The following CACNG2 variants were observed in gnomAD, a reference collection of about 807,000 sequenced individuals.
The protein encoded by CACNG2 is voltage-dependent calcium channel gamma-2 subunit.
A neutral mutation model predicts 25.9 loss-of-function variants in CACNG2; 3 were observed. The ratio of observed to expected loss-of-function variants is 0.12; its 90% confidence interval spans 0.05 to 0.30. CACNG2 has a LOEUF of 0.30. Among genes scored for constraint, CACNG2 ranks in the 10% least tolerant of loss-of-function variants. CACNG2 has a pLI of 1.00. For missense variants in CACNG2, 341 were observed against 432.5 expected (o/e 0.79, Z 1.88); for synonymous variants, 167 against 173.3 (o/e 0.96, Z 0.29).
chr22:36,615,671 T>C lies in CACNG2; in HGVS notation c.212-28123A>G, dbSNP rs1459711015. 3.9e-5 allele frequency among the ~76,000 whole-genome samples: 6 copies of C among 152,338 alleles called. No homozygotes were observed. In the Middle Eastern group the frequency reaches 0.014, roughly 345 times the overall value. On this transcript the variant is annotated intron_variant, in intron 1 of 3. Coordinates refer to ENST00000300105, the MANE Select transcript of CACNG2 (RefSeq NM_006078.5). ...ATGTTTACTGTTAGTCCCATTAGAA[T>C]GGACGATCCACGAGGGCGGGGCTTT... is the stretch of plus-strand genomic sequence containing the variant.
rs768915699 is a variant in CACNG2 at position 36,561,811 on chromosome 22, G to A, written c.*2540C>T. ...GGCCCTTGTCACTCTGGGGAAGAAAGGGGAGAAACACAGGATGCCCTTGAC... is the reference window on the plus strand; with the variant it reads ...GGCCCTTGTCACTCTGGGGAAGAAAAGGGAGAAACACAGGATGCCCTTGAC... On this transcript the variant is annotated 3_prime_UTR_variant, in exon 4 of 4. Coordinates refer to ENST00000300105, the MANE Select transcript of CACNG2 (RefSeq NM_006078.5). 2 of 152,290 alleles carry A rather than the reference G, an allele frequency of 1.3e-5. No individual in the cohort carries two copies. Among genetic ancestry groups the A allele is most frequent in the Non-Finnish European group, 2.9e-5 (2 of 68,096 alleles). The allele number at this position is 152,290 out of a possible 1,614,324, so 9.4% of individuals were successfully genotyped here.
At chr22:36,636,821 C>T (rs529804279) in intron 1 of CACNG2, among the ~76,000 whole-genome samples, 108 of 152,332 alleles carry the variant, frequency 7.1e-4, no homozygotes, top group African/African-American at 2.0e-3. Flanking sequence ...TGCCCTGTGG[C>T]GGTGTAGGCA....
chr22:36,609,346 A>T lies in CACNG2; in HGVS notation c.212-21798T>A, dbSNP rs1454233454. ...GCAGGAATCAGCCCCCTAGAGTGTG[A>T]TCGGGCAGGAATCAGCCCCCCAGAG... is the stretch of plus-strand genomic sequence containing the variant. On this transcript the variant is annotated intron_variant, in intron 1 of 3. Transcript: ENST00000300105. Among the ~76,000 whole-genome samples, 11 of 139,540 alleles carry T rather than the reference A, an allele frequency of 7.9e-5. No homozygotes were observed. In the Admixed American group the frequency reaches 8.0e-4, roughly 10 times the overall value. 91.5% of individuals were successfully genotyped at this position (139,540 alleles called of 152,430 possible).
rs1333316041 is a variant in CACNG2, at chr22:36,564,201, GTGTTTTTTTGTTTTT to G, written c.*135_*149del. 4.5e-4 allele frequency: 269 copies of G among 601,360 alleles called. 1 individual carries two copies. The highest frequency in any genetic ancestry group is 4.4e-3 in the African/African-American group (231 of 52,978). 37.3% of individuals were successfully genotyped at this position (601,360 alleles called of 1,614,324 possible). A position where few individuals can be genotyped will look rare whatever the true frequency, so the allele number is the denominator to read the frequency against. On this transcript the variant is annotated 3_prime_UTR_variant, in exon 4 of 4. Coordinates refer to ENST00000300105, the MANE Select transcript of CACNG2 (RefSeq NM_006078.5). This position sits in a 1 kb window ranked among gnomAD's most constrained non-coding sequence, Gnocchi z 6.7. ...GTTTTTTCTCTTTTTTTGTGTGTGT[GTGTTTTTTTGTTTTT>G]TGTTTTTTTGTTTTTTTTGTTTTTT...
At chr22:36,702,051 T>G (rs912684441) in intron 1 of CACNG2, among the ~76,000 whole-genome samples, 1 of 152,120 alleles carries the variant, frequency 6.6e-6, no homozygotes, top group Non-Finnish European at 1.5e-5. Context: ...TGGTAAATCC[T>G]AATGACTCCA....
At chr22:36,643,320 C>T (rs1295667978) in intron 1 of CACNG2, among the ~76,000 whole-genome samples, 1 of 151,456 alleles carries the variant, frequency 6.6e-6, no homozygotes, top group East Asian at 1.9e-4. Flanking sequence ...TTCTCTCTCT[C>T]TTTCTCTGTC....
Position 36,665,878 on chromosome 22 carries a change from A to G in CACNG2, c.211+36488T>C, listed in dbSNP as rs892777443. 2.0e-5 allele frequency among the ~76,000 whole-genome samples: 3 copies of G among 152,390 alleles called. No individual in the cohort carries two copies. In the East Asian group the frequency reaches 5.8e-4, roughly 29 times the overall value. Reference sequence around the variant, plus strand: ...CATTCCACTTCTGGGTATCTACCCAAAAGAATGGAAACCTGGGTCTCAAGG... The same window carrying G: ...CATTCCACTTCTGGGTATCTACCCAGAAGAATGGAAACCTGGGTCTCAAGG... On this transcript the variant is annotated intron_variant, in intron 1 of 3. Transcript: ENST00000300105.
At chr22:36,699,139 G>A (rs1168493012) in intron 1 of CACNG2, among the ~76,000 whole-genome samples, 1 of 151,646 alleles carries the variant, frequency 6.6e-6, no homozygotes, top group Non-Finnish European at 1.5e-5. Context: ...ATGAACTTCT[G>A]TCTCTCTCCA....
rs557025520 is a variant in CACNG2, at chr22:36,674,030, A to G, written c.211+28336T>C. Among the ~76,000 whole-genome samples the G allele has an allele frequency of 3.3e-5, 5 of 152,298 alleles. No homozygotes were observed. The East Asian group carries it at 7.7e-4, about 24-fold the overall frequency. On this transcript the variant is annotated intron_variant, in intron 1 of 3. Coordinates refer to ENST00000300105, the MANE Select transcript of CACNG2 (RefSeq NM_006078.5). ...TGCCGCGGGCAGCCGTCCCTCCCGC[A>G]TGATCAAGTAAGACACAGGCCTGGT...
chr22:36,629,573 G>C (rs1218817637), intron 1 of CACNG2, among the ~76,000 whole-genome samples: 1 of 151,990 alleles, frequency 6.6e-6, no homozygotes. Context: ...GAGGGAGAGA[G>C]AGAGATGATC....
At chr22:36,609,804 A>G (rs1205965312) in intron 1 of CACNG2, among the ~76,000 whole-genome samples, 1 of 150,158 alleles carries the variant, frequency 6.7e-6, no homozygotes. Context: ...GGCAGGAATC[A>G]GTCCCCCAGA....
Position 36,562,012 on chromosome 22 carries a change from C to G in CACNG2, c.*2339G>C, listed in dbSNP as rs1429567150. The G allele has an allele frequency of 6.6e-6, 1 of 152,276 alleles. No homozygotes were observed. The highest frequency in any genetic ancestry group is 1.5e-5 in the Non-Finnish European group (1 of 68,074). 9.4% of individuals were successfully genotyped at this position (152,276 alleles called of 1,614,324 possible). Reference sequence around the variant, plus strand: ...AAGCCCTGGTGGCAGAGCTCTTCTCCCAAGGAAGCCTCTTTAACTCTCCAT... The same window carrying G: ...AAGCCCTGGTGGCAGAGCTCTTCTCGCAAGGAAGCCTCTTTAACTCTCCAT... On this transcript the variant is annotated 3_prime_UTR_variant, in exon 4 of 4. Coordinates refer to ENST00000300105, the MANE Select transcript of CACNG2 (RefSeq NM_006078.5).
chr22:36,703,238 A>AGCG lies in CACNG2; in HGVS notation c.-665_-663dup, dbSNP rs538190446. 17,963 of 154,270 alleles carry AGCG rather than the reference A, an allele frequency of 0.12. 1,350 individuals carry two copies. Among genetic ancestry groups the AGCG allele is most frequent in the Admixed American group, 0.19 (2,856 of 14,742 alleles). The allele number at this position is 154,270 out of a possible 1,614,324, so 9.6% of individuals were successfully genotyped here. A position where few individuals can be genotyped will look rare whatever the true frequency, so the allele number is the denominator to read the frequency against. The stretch of plus-strand genomic sequence containing the variant: ...TCGCTTTCCATGGTTTTGCCCGGGC[A>AGCG]GCGGCGGCGGCGGCGGCGGCGGCGG... On this transcript the variant is annotated 5_prime_UTR_variant, in exon 1 of 4. Coordinates refer to ENST00000300105, the MANE Select transcript of CACNG2 (RefSeq NM_006078.5).
intron 1 of CACNG2, among the ~76,000 whole-genome samples, chr22:36,652,684 A>G (rs1936637933): frequency 6.6e-6 from 1 of 152,162 alleles, no homozygotes; most frequent in Admixed American, 6.5e-5. Flanking sequence ...GTAAGGGCAG[A>G]AAGGACCACA....
At chr22:36,655,460 A>T (rs560864511) in intron 1 of CACNG2, among the ~76,000 whole-genome samples, 1 of 152,230 alleles carries the variant, frequency 6.6e-6, no homozygotes, top group Admixed American at 6.5e-5. Flanking sequence ...TCTGTATGCC[A>T]ATTTGTTAGT....
At chr22:36,668,725 A>C (rs1454162047) in intron 1 of CACNG2, among the ~76,000 whole-genome samples, 1 of 152,012 alleles carries the variant, frequency 6.6e-6, no homozygotes, top group Non-Finnish European at 1.5e-5. Context: ...CGAACTCCTG[A>C]GCTCAAGCGA....
intron 1 of CACNG2, among the ~76,000 whole-genome samples, chr22:36,648,199 A>G (rs147313395): frequency 1.1e-3 from 172 of 152,346 alleles, no homozygotes; most frequent in African/African-American, 3.8e-3. Flanking sequence ...GCAATCTTTT[A>G]CCCAGTATAA....
At chr22:36,586,041 A>G (rs983965584) in intron 2 of CACNG2, among the ~76,000 whole-genome samples, 3 of 152,254 alleles carry the variant, frequency 2.0e-5, no homozygotes, top group South Asian at 2.1e-4. Context: ...TGCTCCGGGA[A>G]TGTGGCTCCC....
At chr22:36,580,223 G>A (rs1311307292) in intron 2 of CACNG2, among the ~76,000 whole-genome samples, 1 of 152,128 alleles carries the variant, frequency 6.6e-6, no homozygotes, top group Non-Finnish European at 1.5e-5. Context: ...GTGTGCCAAA[G>A]CCTGCCTCCC....
Sources: allele counts gnomAD v4.1 joint callset (sites outside exome capture counted in the v4.1 genomes callset), GRCh38; gene constraint gnomAD v4.1.1; non-coding constraint Gnocchi (gnomAD v3.1); transcripts MANE v1.5; gene names NCBI Gene and HGNC (gene_info 2026-07-23, HGNC 2026-07-21).